The following LAMC1 variants were observed in gnomAD, a reference collection of about 807,000 sequenced individuals.
The protein encoded by LAMC1 is laminin subunit gamma 1, also known as laminin subunit gamma-1.
LAMC1 carries 38 observed loss-of-function variants against 173.6 expected under a neutral mutation model. That is an observed-to-expected ratio of 0.22 (90% CI 0.17 to 0.29). The LOEUF (loss-of-function observed/expected upper bound fraction) is 0.29. Among genes scored for constraint, LAMC1 ranks in the 10% least tolerant of loss-of-function variants. The probability of loss-of-function intolerance (pLI) is 1.00; values close to 1 mark genes in which losing one functional copy is unlikely to be tolerated. For missense variants in LAMC1, 1,824 were observed against 2,051.8 expected (o/e 0.89, Z 2.14); for synonymous variants, 746 against 749.1 (o/e 1.00, Z 0.07).
At chr1:183,054,725 C>G (rs998849586) in intron 1 of LAMC1, among the ~76,000 whole-genome samples, 3 of 152,132 alleles carry the variant, frequency 2.0e-5, no homozygotes, top group African/African-American at 7.2e-5. Context: ...AGACACAGTT[C>G]CTGGCTTGGA....
At position 183,130,507 on chromosome 1, in the gene LAMC1, A is replaced by G. The variant is rs757618114; in HGVS notation, c.3444A>G (p.Ala1148=). The change falls in exon 19 of 28, where the codon GCA becomes GCG. Residue 1148 remains alanine, a synonymous_variant. Coordinates refer to ENST00000258341, the MANE Select transcript of LAMC1 (RefSeq NM_002293.4). ...ACACAGAGCGGTTGATTGAAATCGC[A>G]TCCAGAGAACTTGAGAAAGCAAAAG... ...VENTERLIEI[A]SRELEKAKVA... is the part of the protein sequence containing the mutation. The G allele has an allele frequency of 6.2e-7, 1 of 1,614,240 alleles. No individual in the cohort carries two copies. Among genetic ancestry groups the G allele is most frequent in the South Asian group, 1.1e-5 (1 of 91,090 alleles).
rs1374867112 is a variant in LAMC1, at chr1:183,068,230, T to C, written c.419-35098T>C. On this transcript the variant is annotated intron_variant, in intron 1 of 27. Coordinates refer to ENST00000258341, the MANE Select transcript of LAMC1 (RefSeq NM_002293.4). ...ACATGTTAATGGGTTATCCATTTTGTATTGTTTTTTTTTGTGTGTGTATGT... is the reference window on the plus strand; with the variant it reads ...ACATGTTAATGGGTTATCCATTTTGCATTGTTTTTTTTTGTGTGTGTATGT... Among the ~76,000 whole-genome samples, 4 of 152,054 alleles carry C rather than the reference T, an allele frequency of 2.6e-5. No individual in the cohort carries two copies. The East Asian group carries it at 7.7e-4, about 29-fold the overall frequency.
chr1:183,124,572 T>C, intron 13 of LAMC1, 59 bp from the exon 14 acceptor site: 2 of 1,598,946 alleles, frequency 1.3e-6, no homozygotes, highest in Admixed American at 1.7e-5. Context: ...CCAGTGGTAA[T>C]CTAGCACCAA....
intron 1 of LAMC1, among the ~76,000 whole-genome samples, chr1:183,078,540 C>G (rs765061541): frequency 2.7e-5 from 4 of 150,908 alleles, no homozygotes; most frequent in Admixed American, 1.3e-4. Context: ...CAAGATCATG[C>G]CACTGCACTC....
chr1:183,074,404 C>T (rs1219841110), intron 1 of LAMC1, among the ~76,000 whole-genome samples: 1 of 152,142 alleles, frequency 6.6e-6, no homozygotes. Flanking sequence ...AGTGTGTGCA[C>T]CCTTGGACAT....
Position 183,121,947 on chromosome 1 carries a change from G to A in LAMC1, c.2212+3G>A, listed in dbSNP as rs771859635. 2 of 1,613,358 alleles carry A rather than the reference G, an allele frequency of 1.2e-6. No homozygotes were observed. The highest frequency in any genetic ancestry group is 1.7e-6 in the Non-Finnish European group (2 of 1,179,300). On this transcript the variant is annotated splice_donor_region_variant and intron_variant, in intron 12 of 27. Transcript: ENST00000258341. ...CGAGACCTGTGATCCTGAGACAGGT[G>A]AGATGATCTTTGGCAGCTCTTAGAC...
chr1:183,055,474 A>T (rs913330824), intron 1 of LAMC1, among the ~76,000 whole-genome samples: 5 of 95,992 alleles, frequency 5.2e-5, no homozygotes, highest in African/African-American at 8.3e-5. Flanking sequence ...CCTATTGTGT[A>T]AAAAAAAAAA....
chr1:183,095,183 T>C (rs1200681857), intron 1 of LAMC1, among the ~76,000 whole-genome samples: 1 of 152,172 alleles, frequency 6.6e-6, no homozygotes, highest in Non-Finnish European at 1.5e-5. Context: ...AGTGGACTTT[T>C]AAGTTCACTT....
chr1:183,065,221 G>A (rs945341760), intron 1 of LAMC1, among the ~76,000 whole-genome samples: 25 of 152,162 alleles, frequency 1.6e-4, no homozygotes, highest in Non-Finnish European at 2.8e-4. Flanking sequence ...CATCTTATAT[G>A]TGGTTCGTCT....
chr1:183,129,562 CT>C (rs35704532), intron 18 of LAMC1, among the ~76,000 whole-genome samples: 73,755 of 147,012 alleles, frequency 0.5, 19,194 homozygotes, highest in South Asian at 0.65. Context: ...GACTTCTCAT[CT>C]TTTTTTTTTT....
chr1:183,117,603 G>A lies in LAMC1; in HGVS notation c.1757G>A (p.Arg586Gln), dbSNP rs764759050. 45 of 1,614,074 alleles carry A rather than the reference G, an allele frequency of 2.8e-5. No individual in the cohort carries two copies. In the South Asian group the frequency reaches 3.7e-4, roughly 13 times the overall value. Reference protein sequence around the residue: ...NLSFSFRVDRRDTRLSAEDLV... With the variant: ...NLSFSFRVDRQDTRLSAEDLV... ...TCCTTCTCCTTTCGAGTGGACAGGC[G>A]AGATACTCGCCTCTCTGCAGAAGAC... The change falls in exon 10 of 28, where the codon CGA (arginine) becomes CAA (glutamine). Residue 586 changes from arginine to glutamine, a missense_variant. Coordinates refer to ENST00000258341, the MANE Select transcript of LAMC1 (RefSeq NM_002293.4).
chr1:183,080,898 A>T (rs1043033750), intron 1 of LAMC1, among the ~76,000 whole-genome samples: 1 of 150,670 alleles, frequency 6.6e-6, no homozygotes, highest in African/African-American at 2.4e-5. Context: ...TTATTTATTT[A>T]TTTTTTTGAG....
intron 1 of LAMC1, among the ~76,000 whole-genome samples, chr1:183,092,854 C>G (rs893608982): frequency 1.3e-5 from 2 of 152,178 alleles, no homozygotes; most frequent in African/African-American, 4.8e-5. Flanking sequence ...CCTCATTGTT[C>G]AGTAGAAATC....
Position 183,134,571 on chromosome 1 carries a change from G to A in LAMC1, c.3850-89G>A, listed in dbSNP as rs1656885564. 11 of 982,262 alleles carry A rather than the reference G, an allele frequency of 1.1e-5. No individual in the cohort carries two copies. In the South Asian group the frequency reaches 1.8e-4, roughly 16 times the overall value. 60.8% of individuals were successfully genotyped at this position (982,262 alleles called of 1,614,324 possible). ...GCAGTTCTTTTAAAAATATCATTGAGTATTAGGTGTTACAGAGTTCCTAAG... is the reference window on the plus strand; with the variant it reads ...GCAGTTCTTTTAAAAATATCATTGAATATTAGGTGTTACAGAGTTCCTAAG... On this transcript the variant is annotated intron_variant, in intron 22 of 27. Coordinates refer to ENST00000258341, the MANE Select transcript of LAMC1 (RefSeq NM_002293.4).
intron 1 of LAMC1, among the ~76,000 whole-genome samples, chr1:183,094,035 T>C (rs1204179518): frequency 6.6e-6 from 1 of 152,132 alleles, no homozygotes; most frequent in Non-Finnish European, 1.5e-5. Flanking sequence ...TTATTCAGAG[T>C]ACAAACCAAG....
chr1:183,095,873 G>A (rs750337035), intron 1 of LAMC1, among the ~76,000 whole-genome samples: 9 of 152,102 alleles, frequency 5.9e-5, no homozygotes, highest in African/African-American at 1.2e-4. Context: ...TGAATTTATC[G>A]TATGTTTTGA....
intron 1 of LAMC1, among the ~76,000 whole-genome samples, chr1:183,082,396 G>T (rs1001157392): frequency 1.3e-5 from 2 of 152,124 alleles, no homozygotes; most frequent in African/African-American, 4.8e-5. Flanking sequence ...TAATGCTTTC[G>T]AATACTAAAG....
At chr1:183,131,091 T>C (rs3820697) in intron 19 of LAMC1, among the ~76,000 whole-genome samples, 52,792 of 150,422 alleles carry the variant, frequency 0.35, 10,422 homozygotes, top group East Asian at 0.49. Context: ...GGAGAACCAC[T>C]TGAACCCAGG....
chr1:183,136,539 A>G lies in LAMC1; in HGVS notation c.4268A>G (p.Lys1423Arg), dbSNP rs753652836. 7 of 1,613,762 alleles carry G rather than the reference A, an allele frequency of 4.3e-6. No homozygotes were observed. In the African/African-American group the frequency reaches 6.7e-5, roughly 15 times the overall value. ...GCTGCGGCGGATGCCACAGAGGCCA[A>G]GAACAAGGCCCATGAGGCGGAGAGG... ...GSAAADATEA[K>R]NKAHEAERIA... The change falls in exon 25 of 28, where the codon AAG becomes AGG. Residue 1423 changes from lysine (K) to arginine (R), a missense_variant. By Grantham distance (26) the Lys-to-Arg change is conservative. Coordinates refer to ENST00000258341, the MANE Select transcript of LAMC1 (RefSeq NM_002293.4).
Sources: allele counts gnomAD v4.1 joint callset (sites outside exome capture counted in the v4.1 genomes callset), GRCh38; gene constraint gnomAD v4.1.1; transcripts MANE v1.5; gene names NCBI Gene and HGNC (gene_info 2026-07-23, HGNC 2026-07-21).